Variants in QKI observed in about 807,000 individuals in gnomAD.
The protein encoded by QKI is KH domain-containing RNA-binding protein QKI.
QKI carries 10 observed loss-of-function variants against 39.0 expected under a neutral mutation model. The ratio of observed to expected loss-of-function variants is 0.26; its 90% CI spans 0.16 to 0.43. The LOEUF (loss-of-function observed/expected upper bound fraction) is 0.43, where lower values mean the gene tolerates loss of function less well. Ranked by LOEUF, QKI falls within the 20% of genes least tolerant of loss-of-function variation. The pLI, the probability that QKI is intolerant of heterozygous loss-of-function variation, is 1.00. For synonymous variants in QKI, 204 were observed against 155.4 expected, an observed-to-expected ratio of 1.31 and a Z score of -2.33; for missense variants, 218 against 428.0, an observed-to-expected ratio of 0.51 and a Z score of 4.33.
At chr6:163,513,691 C>T (rs1779627376) in intron 3 of QKI, among the ~76,000 whole-genome samples, 1 of 152,056 alleles carries the variant, frequency 6.6e-6, no homozygotes, top group South Asian at 2.1e-4. Context: ...GAATTTCTTC[C>T]CAGGCCATTT....
At chr6:163,567,609 C>A in intron 7 of QKI, 2 of 984,000 alleles carry the variant, frequency 2.0e-6, no homozygotes, top group Non-Finnish European at 2.4e-6. Flanking sequence ...TGTATATGCC[C>A]TTGGACCCTT....
intron 3 of QKI, among the ~76,000 whole-genome samples, chr6:163,494,955 G>A (rs1317861245): frequency 2.7e-5 from 4 of 150,876 alleles, no homozygotes; most frequent in African/African-American, 9.8e-5. Flanking sequence ...ACACTCTGTC[G>A]TCCAGGCTGG....
intron 2 of QKI, among the ~76,000 whole-genome samples, chr6:163,462,710 G>A (rs545785002): frequency 1.8e-4 from 28 of 152,290 alleles, no homozygotes; most frequent in African/African-American, 5.8e-4. Context: ...GGAAATGTTT[G>A]TGTGTGGTCT....
chr6:163,468,401 G>T (rs1791937030), intron 2 of QKI, among the ~76,000 whole-genome samples: 1 of 152,120 alleles, frequency 6.6e-6, no homozygotes, highest in African/African-American at 2.4e-5. Context: ...CACTTGAGGT[G>T]CTTTTCGAAA....
chr6:163,455,093 A>G (rs1292972664), intron 1 of QKI, 186 bp from the exon 2 acceptor site: 5 of 410,884 alleles, frequency 1.2e-5, no homozygotes, highest in Non-Finnish European at 2.1e-5. Flanking sequence ...TGTAGTAGAA[A>G]TTAATTAAGG....
intron 4 of QKI, 119 bp from the exon 5 acceptor site, chr6:163,561,859 TCCCC>T: frequency 1.6e-6 from 1 of 625,840 alleles, no homozygotes; most frequent in Non-Finnish European, 2.6e-6. Context: ...GATCTTTTTT[TCCCC>T]TTATTAAAAC....
rs117014016 is a variant in QKI at position 163,528,617 on chromosome 6, T to A, written c.403-6365T>A. ...GTGTTTGATAAAAGCTTAGTTGCCA[T>A]CATCATTTTCATTTTTAAGTTTGCT... On this transcript the variant is annotated intron_variant, in intron 3 of 7. Coordinates refer to ENST00000361752, the MANE Select transcript of QKI (RefSeq NM_006775.3). 3.0e-4 allele frequency among the ~76,000 whole-genome samples: 45 copies of A among 152,278 alleles called. No individual in the cohort carries two copies. The East Asian group carries it at 8.3e-3, about 28-fold the overall frequency.
intron 4 of QKI, among the ~76,000 whole-genome samples, chr6:163,555,376 A>G (rs1782519968): frequency 6.6e-6 from 1 of 152,050 alleles, no homozygotes; most frequent in African/African-American, 2.4e-5. Context: ...TTATAAAAGC[A>G]AGACCAGTAT....
At chr6:163,530,744 T>C (rs1562517583) in intron 3 of QKI, among the ~76,000 whole-genome samples, 1 of 152,164 alleles carries the variant, frequency 6.6e-6, no homozygotes, top group Non-Finnish European at 1.5e-5. Context: ...CTCTTCACAC[T>C]GCACCCCCTC....
chr6:163,496,548 G>A (rs1382406256), intron 3 of QKI, among the ~76,000 whole-genome samples: 1 of 152,008 alleles, frequency 6.6e-6, no homozygotes, highest in Non-Finnish European at 1.5e-5. Flanking sequence ...TCTCTTTTCA[G>A]CAACCAGAGT....
intron 7 of QKI, chr6:163,569,732 T>A: frequency 1.0e-6 from 1 of 998,436 alleles, no homozygotes; most frequent in Non-Finnish European, 1.2e-6. Context: ...TATAAAAATA[T>A]AAAGCAGGAA....
At chr6:163,564,238 C>T (rs1429325906) in intron 6 of QKI, 6 of 1,026,928 alleles carry the variant, frequency 5.8e-6, no homozygotes, top group African/African-American at 5.1e-5. Context: ...CGCTTAACAA[C>T]GGGGATACAG....
At chr6:163,518,366 A>G (rs1279101905) in intron 3 of QKI, among the ~76,000 whole-genome samples, 3 of 152,148 alleles carry the variant, frequency 2.0e-5, no homozygotes, top group Non-Finnish European at 4.4e-5. Flanking sequence ...GTCAGGATGG[A>G]CAGATACAAA....
intron 2 of QKI, among the ~76,000 whole-genome samples, chr6:163,471,557 T>C (rs1278054108): frequency 6.6e-6 from 1 of 152,100 alleles, no homozygotes; most frequent in East Asian, 1.9e-4. Context: ...TGTATTTGTA[T>C]GGGAAAAGGG....
At chr6:163,568,577 C>T in intron 7 of QKI, 3 of 977,878 alleles carry the variant, frequency 3.1e-6, no homozygotes, top group Non-Finnish European at 3.6e-6. Context: ...TGTCTGAAGT[C>T]CTTCACTTAA....
intron 4 of QKI, among the ~76,000 whole-genome samples, chr6:163,554,327 C>G (rs1391921451): frequency 1.3e-5 from 2 of 152,184 alleles, no homozygotes. Context: ...GCTTTACACC[C>G]ACACTATGCC....
intron 3 of QKI, among the ~76,000 whole-genome samples, chr6:163,509,551 A>G (rs1414341999): frequency 6.6e-6 from 1 of 152,126 alleles, no homozygotes; most frequent in Non-Finnish European, 1.5e-5. Context: ...ATGTGGTTAC[A>G]GGTTTCTACA....
At position 163,556,503 on chromosome 6, in the gene QKI, C is replaced by CAA. The variant is rs61233361; in HGVS notation, c.547-5459_547-5458dup. On this transcript the variant is annotated intron_variant, in intron 4 of 7. Coordinates refer to ENST00000361752, the MANE Select transcript of QKI (RefSeq NM_006775.3). ...GGGCAACAAAAGCAAAATTCCACCT[C>CAA]AAAAAAAAAAAAAAAAAAAAACAAC... Among the ~76,000 whole-genome samples, 616 of 82,796 alleles carry CAA rather than the reference C, an allele frequency of 7.4e-3. 5 individuals are homozygous for CAA. Among genetic ancestry groups the CAA allele is most frequent in the African/African-American group, 0.019 (491 of 26,120 alleles). The allele number at this position is 82,796 out of a possible 152,430, so 54.3% of individuals were successfully genotyped here. A position where few individuals can be genotyped will look rare whatever the true frequency, so the allele number is the denominator to read the frequency against.
intron 2 of QKI, 57 bp from the exon 3 acceptor site, chr6:163,478,723 G>A (rs1352527893): frequency 2.7e-6 from 3 of 1,102,900 alleles, no homozygotes; most frequent in Non-Finnish European, 4.0e-6. Flanking sequence ...TATATTTTAA[G>A]AGCTGTAAGT....
Sources: gnomAD v4.1 joint callset for allele counts (sites outside exome capture counted in the v4.1 genomes callset) on GRCh38, gnomAD v4.1.1 for gene constraint, MANE v1.5 for transcripts, NCBI Gene and HGNC (gene_info 2026-07-23, HGNC 2026-07-21) for gene names.